The following FOXN3 variants were observed in gnomAD, a reference collection of about 807,000 sequenced individuals.
The protein encoded by FOXN3 is forkhead box N3.
Under a neutral mutation model 38.4 loss-of-function variants are expected in FOXN3, and 7 were observed. That is an observed-to-expected ratio of 0.18 (90% CI 0.10 to 0.34). The LOEUF is 0.34. Among genes scored for constraint, FOXN3 ranks in the 10% least tolerant of loss-of-function variants. FOXN3 has a pLI of 1.00. For missense variants in FOXN3, 456 were observed against 613.4 expected (o/e 0.74, Z 2.71); for synonymous variants, 230 against 242.2 (o/e 0.95, Z 0.47).
At chr14:89,604,809 TA>T (rs1896235968) in intron 1 of FOXN3, among the ~76,000 whole-genome samples, 1 of 152,162 alleles carries the variant, frequency 6.6e-6, no homozygotes, top group Non-Finnish European at 1.5e-5. Context: ...GGAGAAAGAA[TA>T]CCTTCAACAC....
At position 89,188,939 on chromosome 14, in the gene FOXN3, G is replaced by A. The variant is rs539034629; in HGVS notation, c.746-8133C>T. Among the ~76,000 whole-genome samples, 21 of 152,176 alleles carry A rather than the reference G, an allele frequency of 1.4e-4. No individual in the cohort carries two copies. In the South Asian group the frequency reaches 4.0e-3, roughly 29 times the overall value. ...GGTTAACTGCTAGTTATAGAGCTAG[G>A]CCAGTGACACATCTGCTTAGCAGTG... is the stretch of plus-strand genomic sequence containing the variant. On this transcript the variant is annotated intron_variant, in intron 4 of 5. Transcript: ENST00000557258.
intron 1 of FOXN3, among the ~76,000 whole-genome samples, chr14:89,413,941 G>A (rs1255512978): frequency 2.3e-5 from 3 of 129,970 alleles, no homozygotes; most frequent in Admixed American, 7.6e-5. Context: ...GGAGGGGGAG[G>A]AGAAGGGGGA....
chr14:89,554,139 T>C (rs575998000), intron 1 of FOXN3, among the ~76,000 whole-genome samples: 19 of 152,206 alleles, frequency 1.2e-4, no homozygotes, highest in Non-Finnish European at 2.6e-4. Flanking sequence ...GTAGCTGGGA[T>C]TACAGGTGCC....
chr14:89,581,025 A>G (rs1895728548), intron 1 of FOXN3, among the ~76,000 whole-genome samples: 2 of 151,972 alleles, frequency 1.3e-5, no homozygotes, highest in South Asian at 4.2e-4. Context: ...TCTACAAAAA[A>G]AAAAAAATTA....
chr14:89,197,357 AT>A (rs1888123694), intron 4 of FOXN3, among the ~76,000 whole-genome samples: 1 of 152,044 alleles, frequency 6.6e-6, no homozygotes, highest in Non-Finnish European at 1.5e-5. Flanking sequence ...AAATACAAAG[AT>A]TAGCCGGATG....
rs10498622 is a variant in FOXN3 at position 89,483,792 on chromosome 14, T to C, written c.-14-71302A>G. Among the ~76,000 whole-genome samples, 642 of 152,322 alleles carry C rather than the reference T, an allele frequency of 4.2e-3. 6 individuals carry two copies. The highest frequency in any genetic ancestry group is 0.012 in the African/African-American group (501 of 41,564). On this transcript the variant is annotated intron_variant, in intron 1 of 6. Transcript: ENST00000345097. ...TTAGAACCCACATCTTTTACTATAG[T>C]TTTCATTCAACAGTATCATAAAATG...
chr14:89,296,501 T>G (rs1887044350), intron 3 of FOXN3, among the ~76,000 whole-genome samples: 3 of 152,160 alleles, frequency 2.0e-5, no homozygotes. Context: ...TAATCACAAT[T>G]AGAATGGTGG....
intron 4 of FOXN3, among the ~76,000 whole-genome samples, chr14:89,260,114 TAAAC>T (rs1219496197): frequency 6.6e-6 from 1 of 152,222 alleles, no homozygotes; most frequent in Non-Finnish European, 1.5e-5. Context: ...TTCCAGTTGT[TAAAC>T]AACACGTAAT....
chr14:89,511,170 TTTCTTTC>T (rs1240801658), intron 1 of FOXN3, among the ~76,000 whole-genome samples: 8 of 42,926 alleles, frequency 1.9e-4, no homozygotes, highest in African/African-American at 4.2e-4. Flanking sequence ...TCTTTCTTTC[TTTCTTTC>T]TTTCTTTCTT....
intron 1 of FOXN3, among the ~76,000 whole-genome samples, chr14:89,519,883 A>G (rs1400389303): frequency 6.6e-6 from 1 of 152,240 alleles, no homozygotes; most frequent in Non-Finnish European, 1.5e-5. Flanking sequence ...CAATCAAATA[A>G]GCAAACAAAC....
chr14:89,363,955 T>TATA lies in FOXN3; in HGVS notation c.544-13150_544-13148dup, dbSNP rs1326674621. On this transcript the variant is annotated intron_variant, in intron 2 of 5. Transcript: ENST00000557258. ...CAAGACCCTGTCTGTAAAATATATA[T>TATA]ATATATATATATATATATATATATA... 1.5e-3 allele frequency among the ~76,000 whole-genome samples: 8 copies of TATA among 5,438 alleles called. No individual in the cohort carries two copies. In the Non-Finnish European group the frequency reaches 0.018, roughly 12 times the overall value. 3.6% of individuals were successfully genotyped at this position (5,438 alleles called of 152,430 possible). A position where few individuals can be genotyped will look rare whatever the true frequency, so the allele number is the denominator to read the frequency against.
At chr14:89,478,640 C>G (rs1448743711) in intron 1 of FOXN3, among the ~76,000 whole-genome samples, 2 of 152,032 alleles carry the variant, frequency 1.3e-5, no homozygotes, top group African/African-American at 4.8e-5. Context: ...TATTTAATTA[C>G]CACAACACCG....
intron 1 of FOXN3, among the ~76,000 whole-genome samples, chr14:89,475,365 G>A (rs1893190105): frequency 6.6e-6 from 1 of 152,172 alleles, no homozygotes; most frequent in African/African-American, 2.4e-5. Flanking sequence ...TAGAATAGTA[G>A]GTCATCACTG....
chr14:89,281,677 A>G (rs924835713), intron 3 of FOXN3, among the ~76,000 whole-genome samples: 2 of 152,230 alleles, frequency 1.3e-5, no homozygotes, highest in African/African-American at 2.4e-5. Context: ...TACCGCATTC[A>G]TAGATGAGCA....
At chr14:89,591,684 G>T (rs555144668) in intron 1 of FOXN3, among the ~76,000 whole-genome samples, 1 of 152,206 alleles carries the variant, frequency 6.6e-6, no homozygotes, top group Non-Finnish European at 1.5e-5. Flanking sequence ...AAGAACTTTG[G>T]GGGGTTGAAG....
At chr14:89,283,638 G>T (rs1886528267) in intron 3 of FOXN3, among the ~76,000 whole-genome samples, 1 of 152,020 alleles carries the variant, frequency 6.6e-6, no homozygotes, top group South Asian at 2.1e-4. Context: ...GCGGGTGAAG[G>T]GGAAGAATGG....
chr14:89,185,078 T>G (rs761353054), intron 4 of FOXN3, among the ~76,000 whole-genome samples: 13 of 152,236 alleles, frequency 8.5e-5, no homozygotes, highest in Non-Finnish European at 1.6e-4. Flanking sequence ...ACTCCTGGCA[T>G]GTAGACTCAG....
chr14:89,360,050 T>C (rs866132698), intron 2 of FOXN3, among the ~76,000 whole-genome samples: 2 of 152,316 alleles, frequency 1.3e-5, no homozygotes, highest in African/African-American at 4.8e-5. Context: ...TCTCCCAGGA[T>C]CTGGCAGGCT....
intron 3 of FOXN3, among the ~76,000 whole-genome samples, chr14:89,340,398 C>T (rs997164845): frequency 6.6e-6 from 1 of 152,046 alleles, no homozygotes; most frequent in Non-Finnish European, 1.5e-5. Context: ...TTTAATGTGT[C>T]TCAATGGTTT....
Sources: allele counts gnomAD v4.1 joint callset (sites outside exome capture counted in the v4.1 genomes callset), GRCh38; gene constraint gnomAD v4.1.1; transcripts MANE v1.5; gene names NCBI Gene and HGNC (gene_info 2026-07-23, HGNC 2026-07-21).